The following CDH10 variants were observed in gnomAD, a reference collection of about 807,000 sequenced individuals.
The protein encoded by CDH10 is cadherin 10.
Under a neutral mutation model 73.1 loss-of-function variants are expected in CDH10, and 30 were observed. The ratio of observed to expected loss-of-function variants is 0.41; its 90% confidence interval spans 0.31 to 0.56. CDH10 has a LOEUF of 0.56. Ranked by LOEUF, CDH10 falls within the 20% of genes least tolerant of loss-of-function variation. CDH10 has a pLI of 0.27. For missense variants in CDH10, 815 were observed against 973.7 expected, an observed-to-expected ratio of 0.84 and a Z score of 2.17; for synonymous variants, 345 against 348.2, an observed-to-expected ratio of 0.99 and a Z score of 0.10.
At chr5:24,551,636 G>A (rs899254191) in intron 2 of CDH10, among the ~76,000 whole-genome samples, 18 of 151,934 alleles carry the variant, frequency 1.2e-4, no homozygotes, top group South Asian at 6.2e-4. Flanking sequence ...GGAGATTTGC[G>A]TTTGTGTGAA....
rs566268151 is a variant in CDH10 at position 24,611,120 on chromosome 5, G to A, written c.-123-17507C>T. Among the ~76,000 whole-genome samples, 37 of 152,246 alleles carry A rather than the reference G, an allele frequency of 2.4e-4. No individual in the cohort carries two copies. The South Asian group carries it at 7.7e-3, about 32-fold the overall frequency. On this transcript the variant is annotated intron_variant, in intron 1 of 11. Transcript: ENST00000264463. ...AGCATTTAGCACAGATCCCTGTAGA[G>A]ACAGTTGCTCAGTAAGTTCCTGGAA...
intron 2 of CDH10, among the ~76,000 whole-genome samples, 189 bp from the exon 3 acceptor site, chr5:24,537,863 T>C (rs1029000989): frequency 6.6e-6 from 1 of 152,076 alleles, no homozygotes; most frequent in Non-Finnish European, 1.5e-5. Context: ...TAGCCTTTTA[T>C]ATATCAGGAT....
At chr5:24,534,585 C>T (rs1324219955) in intron 5 of CDH10, among the ~76,000 whole-genome samples, 1 of 152,074 alleles carries the variant, frequency 6.6e-6, no homozygotes, top group Non-Finnish European at 1.5e-5. Context: ...AAATGTTATA[C>T]TAAGGTTGTC....
intron 2 of CDH10, among the ~76,000 whole-genome samples, chr5:24,561,405 A>G (rs905443335): frequency 1.3e-5 from 2 of 152,166 alleles, no homozygotes; most frequent in Non-Finnish European, 2.9e-5. Context: ...TTCAGTGAGA[A>G]GAGGCAAAAG....
chr5:24,577,203 A>G (rs779368719), intron 2 of CDH10, among the ~76,000 whole-genome samples: 46 of 152,260 alleles, frequency 3.0e-4, no homozygotes, highest in Non-Finnish European at 5.1e-4. Flanking sequence ...GGGAAGAAAC[A>G]TGAAAATCTG....
intron 2 of CDH10, among the ~76,000 whole-genome samples, chr5:24,577,659 A>T (rs961325310): frequency 3.3e-5 from 5 of 152,306 alleles, no homozygotes; most frequent in African/African-American, 9.6e-5. Context: ...TTAATTTATG[A>T]ATTTCCTAGA....
In CDH10 at chr5:24,596,984, A is replaced by G. The variant is rs573153499; in HGVS notation, c.-123-3371T>C. Reference sequence around the variant, plus strand: ...AAAAGGAATCAGGTGGGTTGAAACTATTATTAAACTACCTCTCTGACTAAA... The same window carrying G: ...AAAAGGAATCAGGTGGGTTGAAACTGTTATTAAACTACCTCTCTGACTAAA... On this transcript the variant is annotated intron_variant, in intron 1 of 11. Coordinates refer to ENST00000264463, the MANE Select transcript of CDH10 (RefSeq NM_006727.5). Among the ~76,000 whole-genome samples the G allele has an allele frequency of 7.2e-4, 110 of 152,138 alleles. 1 individual carries two copies. The highest frequency in any genetic ancestry group is 5.6e-3 in the South Asian group (27 of 4,826).
intron 2 of CDH10, among the ~76,000 whole-genome samples, chr5:24,572,935 GAA>G (rs55946839): frequency 0.054 from 3,876 of 72,000 alleles, 37 homozygotes; most frequent in African/African-American, 0.1. Context: ...CTTAGAAAAA[GAA>G]AAAAAAAAAA....
chr5:24,525,341 T>C (rs1173485667), intron 5 of CDH10, among the ~76,000 whole-genome samples: 1 of 152,084 alleles, frequency 6.6e-6, no homozygotes, highest in Admixed American at 6.6e-5. Flanking sequence ...AGGCATCATA[T>C]ATATGAATCA....
chr5:24,567,200 A>G (rs1161409586), intron 2 of CDH10, among the ~76,000 whole-genome samples: 1 of 152,080 alleles, frequency 6.6e-6, no homozygotes, highest in African/African-American at 2.4e-5. Context: ...TAACAACACC[A>G]ATATTATCTA....
rs574705672 is a variant in CDH10 at position 24,569,726 on chromosome 5, C to G, written c.231+23534G>C. On this transcript the variant is annotated intron_variant, in intron 2 of 11. Transcript: ENST00000264463. ...AATCTTTTTCCTTATTGGGGAGATT[C>G]ACTGTCATCAGTGTGAATCTTTATG... Among the ~76,000 whole-genome samples the G allele has an allele frequency of 9.9e-5, 15 of 151,200 alleles. No individual in the cohort carries two copies. The South Asian group carries it at 3.1e-3, about 32-fold the overall frequency.
intron 2 of CDH10, among the ~76,000 whole-genome samples, chr5:24,551,318 G>A (rs1385231265): frequency 6.6e-6 from 1 of 152,014 alleles, no homozygotes; most frequent in Non-Finnish European, 1.5e-5. Flanking sequence ...CACTTGCTCT[G>A]ACATATTCTT....
chr5:24,609,250 T>C (rs191511641), intron 1 of CDH10, among the ~76,000 whole-genome samples: 139 of 152,308 alleles, frequency 9.1e-4, no homozygotes, highest in African/African-American at 3.2e-3. Flanking sequence ...GGTCAAGCTA[T>C]TGAGTCCTGG....
At chr5:24,495,740 G>C (rs62351355) in intron 9 of CDH10, among the ~76,000 whole-genome samples, 2,369 of 151,960 alleles carry the variant, frequency 0.016, 26 homozygotes, top group Non-Finnish European at 0.022. Flanking sequence ...CCAGCTACTT[G>C]GGAGGCTGAG....
At chr5:24,554,114 G>A (rs901262749) in intron 2 of CDH10, 1 of 98,308 alleles carries the variant, frequency 1.0e-5, no homozygotes, top group African/African-American at 4.0e-5. Context: ...AGGTGGGCGG[G>A]GGGGGGAGAG....
At chr5:24,525,794 C>T (rs1293840053) in intron 5 of CDH10, among the ~76,000 whole-genome samples, 4 of 152,048 alleles carry the variant, frequency 2.6e-5, no homozygotes, top group Non-Finnish European at 5.9e-5. Context: ...AGATGCTGTA[C>T]CATGTCTTAG....
At chr5:24,627,150 T>C (rs1197256127) in intron 1 of CDH10, among the ~76,000 whole-genome samples, 2 of 151,974 alleles carry the variant, frequency 1.3e-5, no homozygotes, top group East Asian at 1.9e-4. Flanking sequence ...TAAACTATTA[T>C]ATAATGCTAA....
chr5:24,519,122 C>T (rs1743218677), intron 5 of CDH10, among the ~76,000 whole-genome samples: 1 of 151,778 alleles, frequency 6.6e-6, no homozygotes, highest in South Asian at 2.1e-4. Context: ...AATTCCTGGC[C>T]TCAAGAGATC....
At chr5:24,641,552 G>A (rs755164386) in intron 1 of CDH10, among the ~76,000 whole-genome samples, 3 of 152,032 alleles carry the variant, frequency 2.0e-5, no homozygotes, top group Non-Finnish European at 4.4e-5. Context: ...ATTGGTCTGT[G>A]TAAGTGTCAA....
Sources: gnomAD v4.1 joint callset for allele counts (sites outside exome capture counted in the v4.1 genomes callset) on GRCh38, gnomAD v4.1.1 for gene constraint, MANE v1.5 for transcripts, NCBI Gene and HGNC (gene_info 2026-07-23, HGNC 2026-07-21) for gene names.